The following KIAA0825 variants were observed in gnomAD, a reference collection of about 807,000 sequenced individuals.
KIAA0825 encodes KIAA0825, also known as uncharacterized protein KIAA0825.
Under a neutral mutation model 147.6 loss-of-function variants are expected in KIAA0825, and 119 were observed. The ratio of observed to expected loss-of-function variants is 0.81; its 90% CI spans 0.69 to 0.94. KIAA0825 has a LOEUF of 0.94. Among genes scored for constraint, KIAA0825 ranks in the 40% least tolerant of loss-of-function variants. The pLI is 0.00. For missense variants in KIAA0825, 1,381 were observed against 1,472.7 expected (o/e 0.94, Z 1.02); for synonymous variants, 470 against 518.1 (o/e 0.91, Z 1.26).
At chr5:94,360,782 G>T (rs1478247471) in intron 20 of KIAA0825, among the ~76,000 whole-genome samples, 2 of 152,126 alleles carry the variant, frequency 1.3e-5, no homozygotes, top group African/African-American at 4.8e-5. Context: ...ATGAAAATGG[G>T]GAACCAGCAG....
At position 94,154,098 on chromosome 5, in the gene KIAA0825, A is replaced by G. The variant is rs772191114; in HGVS notation, c.3737T>C (p.Leu1246Pro). ...NRWEMKKDET[L>P]EEEEKAILEH... ...CAGTATTGCTTTTTCTTCCTCTTCTAGTGTTTCATCCTTCTTCATTTCCCA... is the reference window on the plus strand; with the variant it reads ...CAGTATTGCTTTTTCTTCCTCTTCTGGTGTTTCATCCTTCTTCATTTCCCA... Residue 1246 changes from leucine to proline, a missense_variant, in exon 21 of 21, where the codon CTA becomes CCA. Coordinates refer to ENST00000682413, the MANE Select transcript of KIAA0825 (RefSeq NM_001145678.3). 43 of 1,551,266 alleles carry G rather than the reference A, an allele frequency of 2.8e-5. 1 individual carries two copies. The South Asian group carries it at 3.4e-4, about 12-fold the overall frequency.
chr5:94,424,918 T>C (rs1754654417), intron 14 of KIAA0825, among the ~76,000 whole-genome samples: 1 of 152,036 alleles, frequency 6.6e-6, no homozygotes, highest in African/African-American at 2.4e-5. Flanking sequence ...TGGACACATA[T>C]AACCTACCAA....
At chr5:94,494,314 CTTTTTT>C (rs530332272) in intron 5 of KIAA0825, among the ~76,000 whole-genome samples, 5 of 111,862 alleles carry the variant, frequency 4.5e-5, no homozygotes, top group African/African-American at 1.6e-4. Flanking sequence ...ATATTCAATC[CTTTTTT>C]TTTTTTTTTT....
intron 6 of KIAA0825, among the ~76,000 whole-genome samples, chr5:94,477,781 T>C (rs1762060150): frequency 6.6e-6 from 1 of 152,116 alleles, no homozygotes; most frequent in South Asian, 2.1e-4. Flanking sequence ...AATGGAAATA[T>C]TTCCACAACT....
At chr5:94,300,555 A>G (rs1284599044) in intron 20 of KIAA0825, among the ~76,000 whole-genome samples, 1 of 152,132 alleles carries the variant, frequency 6.6e-6, no homozygotes, top group Non-Finnish European at 1.5e-5. Flanking sequence ...CTTGGTAGAC[A>G]TGTAGGATTG....
intron 20 of KIAA0825, among the ~76,000 whole-genome samples, chr5:94,370,801 C>A (rs957001883): frequency 6.6e-6 from 1 of 151,852 alleles, no homozygotes; most frequent in Non-Finnish European, 1.5e-5. Flanking sequence ...CCCAGCTACT[C>A]GGGAGCCTGA....
intron 20 of KIAA0825, among the ~76,000 whole-genome samples, chr5:94,320,268 A>G (rs1380210240): frequency 1.3e-5 from 2 of 152,020 alleles, no homozygotes; most frequent in East Asian, 3.9e-4. Flanking sequence ...TAGAATATGT[A>G]ATGATCAAGT....
chr5:94,342,008 G>A (rs1200603206), intron 20 of KIAA0825, among the ~76,000 whole-genome samples: 3 of 151,896 alleles, frequency 2.0e-5, no homozygotes, highest in Non-Finnish European at 2.9e-5. Context: ...CCTGGCCAAC[G>A]TGGTGAAACC....
intron 16 of KIAA0825, among the ~76,000 whole-genome samples, chr5:94,398,366 G>C (rs368536889): frequency 1.3e-5 from 2 of 152,074 alleles, no homozygotes; most frequent in Non-Finnish European, 2.9e-5. Context: ...CCACAGTCTA[G>C]CCTCAGCCTG....
At chr5:94,258,695 A>G (rs1776359538) in intron 20 of KIAA0825, among the ~76,000 whole-genome samples, 1 of 152,064 alleles carries the variant, frequency 6.6e-6, no homozygotes, top group African/African-American at 2.4e-5. Context: ...GGTCTACATC[A>G]CTGAAAAGTG....
chr5:94,260,183 C>T (rs922649106), intron 20 of KIAA0825, among the ~76,000 whole-genome samples: 5 of 152,020 alleles, frequency 3.3e-5, no homozygotes, highest in African/African-American at 1.2e-4. Flanking sequence ...TGCTAGACAT[C>T]AGGTTTGCAA....
At chr5:94,225,675 C>G (rs187069590) in intron 20 of KIAA0825, among the ~76,000 whole-genome samples, 38 of 152,290 alleles carry the variant, frequency 2.5e-4, no homozygotes, top group African/African-American at 8.7e-4. Context: ...CTGCTGACAC[C>G]TTGATCTTGG....
intron 19 of KIAA0825, 139 bp downstream of exon 19, chr5:94,386,103 C>T (rs1749104699): frequency 1.5e-6 from 1 of 668,888 alleles, no homozygotes; most frequent in Non-Finnish European, 2.5e-6. Flanking sequence ...TCAATTTGTA[C>T]AGACCATGTA....
At chr5:94,582,784 A>G (rs968006199) in intron 1 of KIAA0825, among the ~76,000 whole-genome samples, 2 of 152,210 alleles carry the variant, frequency 1.3e-5, no homozygotes, top group Admixed American at 6.5e-5. Flanking sequence ...AAGATAGTCC[A>G]TAGACTGCAG....
rs889003961 is a variant in KIAA0825 at position 94,363,714 on chromosome 5, A to T, written c.3710+20654T>A. Among the ~76,000 whole-genome samples, 6 of 152,032 alleles carry T rather than the reference A, an allele frequency of 3.9e-5. No individual in the cohort carries two copies. In the East Asian group the frequency reaches 7.7e-4, roughly 20 times the overall value. ...CATCTCTACAAAAAAAATTTTTTTT[A>T]AAAACTAACCAGGCATGGTGGCTCG... On this transcript the variant is annotated intron_variant, in intron 20 of 20. Transcript: ENST00000682413.
chr5:94,523,904 CATG>C, intron 4 of KIAA0825, 23 bp downstream of exon 4: 1 of 1,483,400 alleles, frequency 6.7e-7, no homozygotes, highest in African/African-American at 1.4e-5. Context: ...CATCCCACTC[CATG>C]ATAAAATAAA....
intron 5 of KIAA0825, among the ~76,000 whole-genome samples, chr5:94,499,680 C>T (rs750092879): frequency 7.4e-5 from 11 of 149,344 alleles, no homozygotes; most frequent in Non-Finnish European, 1.5e-4. Flanking sequence ...ATTAATAAGT[C>T]GTTTGGCTGG....
chr5:94,193,970 G>C (rs1770902376), intron 20 of KIAA0825, among the ~76,000 whole-genome samples: 1 of 152,180 alleles, frequency 6.6e-6, no homozygotes, highest in Non-Finnish European at 1.5e-5. Context: ...TTTGGGGATA[G>C]GGCTGGGGAT....
chr5:94,244,315 A>G (rs1775496771), intron 20 of KIAA0825, among the ~76,000 whole-genome samples: 1 of 152,122 alleles, frequency 6.6e-6, no homozygotes, highest in East Asian at 1.9e-4. Flanking sequence ...GGAAGCATTC[A>G]AGTTTTGGGT....
Sources: allele counts gnomAD v4.1 joint callset (sites outside exome capture counted in the v4.1 genomes callset), GRCh38; gene constraint gnomAD v4.1.1; transcripts MANE v1.5; gene names NCBI Gene and HGNC (gene_info 2026-07-23, HGNC 2026-07-21).